Variants in MFAP5 observed in about 807,000 individuals in gnomAD.
MFAP5 encodes the protein microfibrillar-associated protein 5.
A neutral mutation model predicts 30.1 loss-of-function variants in MFAP5; 19 were observed. The ratio of observed to expected loss-of-function variants is 0.63; its 90% CI spans 0.44 to 0.93. The LOEUF (loss-of-function observed/expected upper bound fraction) is 0.93. Ranked by LOEUF, MFAP5 falls within the 40% of genes least tolerant of loss-of-function variation. MFAP5 has a pLI of 0.00. For missense variants in MFAP5, 210 were observed against 221.3 expected (o/e 0.95, Z 0.32); for synonymous variants, 92 against 72.9 (o/e 1.26, Z -1.33).
At chr12:8,658,120 A>C (rs748936989) in intron 3 of MFAP5, among the ~76,000 whole-genome samples, 9 of 152,226 alleles carry the variant, frequency 5.9e-5, no homozygotes, top group Middle Eastern at 6.8e-3. Context: ...AGGCCAAGGC[A>C]TGCGTATCAC....
rs751122180 is a variant in MFAP5, at chr12:8,652,973, T to C, written c.218-1282A>G. 6.6e-5 allele frequency among the ~76,000 whole-genome samples: 10 copies of C among 152,172 alleles called. No individual in the cohort carries two copies. In the South Asian group the frequency reaches 1.9e-3, roughly 28 times the overall value. On this transcript the variant is annotated intron_variant, in intron 6 of 9. Coordinates refer to ENST00000359478, the MANE Select transcript of MFAP5 (RefSeq NM_003480.4). ...GGGAGGCCAGGGTGGTTGGATCACC[T>C]GAGGTCAGGAGCTCAAGACCAGTCT...
chr12:8,656,059 CTTTT>C (rs11359613), intron 3 of MFAP5, among the ~76,000 whole-genome samples: 14 of 113,850 alleles, frequency 1.2e-4, no homozygotes, highest in Admixed American at 3.9e-4. Flanking sequence ...ATTCATAATT[CTTTT>C]TTTTTTTTTT....
chr12:8,652,783 A>G (rs1941872417), intron 6 of MFAP5, among the ~76,000 whole-genome samples: 1 of 152,232 alleles, frequency 6.6e-6, no homozygotes, highest in South Asian at 2.1e-4. Flanking sequence ...AATATTTCAA[A>G]GATCTTTCAC....
chr12:8,654,814 G>A (rs1941938447), intron 5 of MFAP5, among the ~76,000 whole-genome samples: 2 of 151,660 alleles, frequency 1.3e-5, no homozygotes, highest in African/African-American at 2.4e-5. Flanking sequence ...GGTGGCAGGC[G>A]CCTGTAATCC....
At chr12:8,649,389 G>GGGT in intron 9 of MFAP5, 112 bp downstream of exon 9, 1 of 872,864 alleles carries the variant, frequency 1.1e-6, no homozygotes, top group Non-Finnish European at 1.9e-6. Context: ...GACTCTAAGG[G>GGGT]GGTAGCCTGA....
chr12:8,648,045 C>A lies in MFAP5; in HGVS notation c.*46G>T. ...ATGGTTGGAGAAGAAGGAGATCCTCCTTCCTCTCACCCATACATTTTTTCT... is the reference window on the plus strand; with the variant it reads ...ATGGTTGGAGAAGAAGGAGATCCTCATTCCTCTCACCCATACATTTTTTCT... On this transcript the variant is annotated 3_prime_UTR_variant, in exon 10 of 10. Coordinates refer to ENST00000359478, the MANE Select transcript of MFAP5 (RefSeq NM_003480.4). 7.0e-7 allele frequency: 1 copy of A among 1,422,436 alleles called. No homozygotes were observed. Among genetic ancestry groups the A allele is most frequent in the Non-Finnish European group, 9.9e-7 (1 of 1,012,546 alleles). The allele number at this position is 1,422,436 out of a possible 1,614,324, so 88.1% of individuals were successfully genotyped here. A position where few individuals can be genotyped will look rare whatever the true frequency, so the allele number is the denominator to read the frequency against.
At chr12:8,661,983 T>TCCTG in intron 2 of MFAP5, 64 bp downstream of exon 2, 1 of 1,479,598 alleles carries the variant, frequency 6.8e-7, no homozygotes, top group East Asian at 2.3e-5. Context: ...CCATCCCATC[T>TCCTG]CCTGCCACAC....
intron 5 of MFAP5, among the ~76,000 whole-genome samples, chr12:8,654,940 C>CAAAAAAA (rs34739708): frequency 2.6e-4 from 30 of 114,650 alleles, no homozygotes; most frequent in African/African-American, 1.0e-3. Flanking sequence ...GACTCTGTCT[C>CAAAAAAA]AAAAAAAAAA....
At position 8,648,099 on chromosome 12, in the gene MFAP5, C is replaced by T; in HGVS notation, c.514G>A (p.Gly172Ser). ...CENVDLQRPN[G>S]L ...TTCCTCTTTTTCAATGATCACAGAC[C>T]ATTGGGTCTCTGCAAATCCACATTT... The change falls in exon 10 of 10, where the codon GGT (glycine) becomes AGT (serine). Residue 172 changes from glycine (G) to serine (S), a missense_variant. Coordinates refer to ENST00000359478, the MANE Select transcript of MFAP5 (RefSeq NM_003480.4). 1 of 1,611,876 alleles carries T rather than the reference C, an allele frequency of 6.2e-7. No individual in the cohort carries two copies. The highest frequency in any genetic ancestry group is 2.2e-5 in the East Asian group (1 of 44,856).
chr12:8,652,668 G>A (rs756748698), intron 6 of MFAP5, among the ~76,000 whole-genome samples: 7 of 152,100 alleles, frequency 4.6e-5, no homozygotes, highest in Non-Finnish European at 1.0e-4. Context: ...ATGGTTTCTA[G>A]GCAGGTGTAT....
intron 6 of MFAP5, among the ~76,000 whole-genome samples, chr12:8,652,883 C>T (rs1231642833): frequency 2.0e-5 from 3 of 152,128 alleles, no homozygotes; most frequent in Non-Finnish European, 4.4e-5. Context: ...CACCCAATAG[C>T]CACATCTAGA....
At chr12:8,655,664 C>G (rs1373854818) in intron 4 of MFAP5, 122 bp downstream of exon 4, 2 of 1,183,994 alleles carry the variant, frequency 1.7e-6, no homozygotes, top group African/African-American at 3.1e-5. Flanking sequence ...CAACAGAACT[C>G]TGCATGAGCT....
rs1280053857 is a variant in MFAP5, at chr12:8,647,925, G to A, written c.*166C>T. 1.9e-6 allele frequency: 1 copy of A among 515,820 alleles called. No individual in the cohort carries two copies. Among genetic ancestry groups the A allele is most frequent in the African/African-American group, 1.9e-5 (1 of 51,976 alleles). 32.0% of individuals were successfully genotyped at this position (515,820 alleles called of 1,614,324 possible). On this transcript the variant is annotated 3_prime_UTR_variant, in exon 10 of 10. Coordinates refer to ENST00000359478, the MANE Select transcript of MFAP5 (RefSeq NM_003480.4). ...TTAAGTGCTAGAAAATGAGATAAAT[G>A]TTATCAGTTTGGGTGAAAAAGTAGA... is the stretch of plus-strand genomic sequence containing the variant.
chr12:8,650,996 G>A (rs764965586), intron 7 of MFAP5, among the ~76,000 whole-genome samples: 13 of 152,042 alleles, frequency 8.6e-5, no homozygotes, highest in East Asian at 5.8e-4. Flanking sequence ...GTAAAACCCC[G>A]TCTCTACTGA....
chr12:8,661,955 T>C, intron 2 of MFAP5, 92 bp downstream of exon 2: 1 of 1,210,310 alleles, frequency 8.3e-7, no homozygotes, highest in East Asian at 2.4e-5. Context: ...TCTACTGCTA[T>C]TCCTCTTCGA....
chr12:8,647,947 TAG>T lies in MFAP5; in HGVS notation c.*142_*143del. 1.8e-6 allele frequency: 1 copy of T among 549,438 alleles called. No homozygotes were observed. 34.0% of individuals were successfully genotyped at this position (549,438 alleles called of 1,614,324 possible). On this transcript the variant is annotated 3_prime_UTR_variant, in exon 10 of 10. Coordinates refer to ENST00000359478, the MANE Select transcript of MFAP5 (RefSeq NM_003480.4). ...AATGTTATCAGTTTGGGTGAAAAAG[TAG>T]AGAGTAGGGGTAAAAGCTGGACATT...
rs1160294733 is a variant in MFAP5 at position 8,649,731 on chromosome 12, G to T, written c.336-157C>A. On this transcript the variant is annotated intron_variant, in intron 8 of 9. Coordinates refer to ENST00000359478, the MANE Select transcript of MFAP5 (RefSeq NM_003480.4). The stretch of plus-strand genomic sequence containing the variant: ...ATTTTCTTAAGTATTTCAGACTTTT[G>T]CCCCCCAACTGGAAAATAGGGGAGG... Among the ~76,000 whole-genome samples the T allele has an allele frequency of 1.3e-5, 2 of 152,034 alleles. 1 individual carries two copies. The highest frequency in any genetic ancestry group is 1.3e-4 in the Admixed American group (2 of 15,278).
At chr12:8,649,474 C>A (rs1760541711) in intron 9 of MFAP5, 27 bp downstream of exon 9, 1 of 1,601,866 alleles carries the variant, frequency 6.2e-7, no homozygotes, top group South Asian at 1.1e-5. Context: ...CTGCTTCTCT[C>A]CATTAAACAT....
rs769346183 is a variant in MFAP5 at position 8,654,484 on chromosome 12, GA to G, written c.173-4del. 4.4e-6 allele frequency: 7 copies of G among 1,602,828 alleles called. No individual in the cohort carries two copies. The highest frequency in any genetic ancestry group is 3.4e-5 in the Admixed American group (2 of 58,210). On this transcript the variant is annotated splice_region_variant and splice_polypyrimidine_tract_variant and intron_variant, in intron 5 of 9. Coordinates refer to ENST00000359478, the MANE Select transcript of MFAP5 (RefSeq NM_003480.4). Reference sequence around the variant, plus strand: ...AATATCAGCCAAAACAGCCAAAACTGAAAAGGCACAAAACAGCAGGTATGAG... The same window carrying G: ...AATATCAGCCAAAACAGCCAAAACTGAAAGGCACAAAACAGCAGGTATGAG...
Sources: gnomAD v4.1 joint callset for allele counts (sites outside exome capture counted in the v4.1 genomes callset) on GRCh38, gnomAD v4.1.1 for gene constraint, MANE v1.5 for transcripts, NCBI Gene and HGNC (gene_info 2026-07-23, HGNC 2026-07-21) for gene names.